The following AP2A2 variants were observed in gnomAD, a reference collection of about 807,000 sequenced individuals.
The protein encoded by AP2A2 is AP-2 complex subunit alpha-2.
Under a neutral mutation model 104.2 loss-of-function variants are expected in AP2A2, and 32 were observed. The ratio of observed to expected loss-of-function variants is 0.31; its 90% CI spans 0.23 to 0.41. AP2A2 has a LOEUF of 0.41. Among genes scored for constraint, AP2A2 ranks in the 10% least tolerant of loss-of-function variants. AP2A2 has a pLI of 1.00. For missense variants in AP2A2, 912 were observed against 1,261.0 expected (o/e 0.72, Z 4.19); for synonymous variants, 539 against 533.3 (o/e 1.01, Z -0.15).
chr11:1,007,558 G>A (rs888139726), intron 17 of AP2A2: 1 of 204,482 alleles, frequency 4.9e-6, no homozygotes, highest in African/African-American at 2.4e-5. Flanking sequence ...TTCAGGAGAG[G>A]CTGTAGGCAA....
chr11:991,598 C>T (rs984139850), intron 10 of AP2A2, among the ~76,000 whole-genome samples: 4 of 151,560 alleles, frequency 2.6e-5, no homozygotes, highest in Non-Finnish European at 4.4e-5. Flanking sequence ...GGTGCACAGC[C>T]GTGAGCTGCG....
Position 1,011,408 on chromosome 11 carries a change from G to T in AP2A2, c.*783G>T. ...AGGTGTGCTCGTCTCTTTCCTGTCAGAGTGGGCGTCCCCAGGCCACGGTGC... is the reference window on the plus strand; with the variant it reads ...AGGTGTGCTCGTCTCTTTCCTGTCATAGTGGGCGTCCCCAGGCCACGGTGC... On this transcript the variant is annotated 3_prime_UTR_variant, in exon 22 of 22. Transcript: ENST00000448903. The T allele has an allele frequency of 2.0e-6, 1 of 511,782 alleles. No individual in the cohort carries two copies. The highest frequency in any genetic ancestry group is 5.5e-5 in the East Asian group (1 of 18,092). 31.7% of individuals were successfully genotyped at this position (511,782 alleles called of 1,614,324 possible). A position where few individuals can be genotyped will look rare whatever the true frequency, so the allele number is the denominator to read the frequency against.
chr11:934,846 C>T (rs945284767), intron 1 of AP2A2, among the ~76,000 whole-genome samples: 2 of 151,612 alleles, frequency 1.3e-5, no homozygotes, highest in African/African-American at 2.4e-5. Flanking sequence ...ATAGCAAGTA[C>T]GTGTTTCTTT....
Position 993,371 on chromosome 11 carries a change from C to G in AP2A2, c.1540C>G (p.Pro514Ala). 3 of 1,610,594 alleles carry G rather than the reference C, an allele frequency of 1.9e-6. No homozygotes were observed. The highest frequency in any genetic ancestry group is 4.5e-5 in the East Asian group (2 of 44,576). The stretch of plus-strand genomic sequence containing the variant: ...GTTTGGAAACTTGATAGCTGGAGAC[C>G]CGAGATCCAGGTGAGAGGCCCTTTG... ...GEFGNLIAGD[P>A]RSSPLIQFHL... is the part of the protein sequence containing the mutation. The change falls in exon 12 of 22, where the codon CCG becomes GCG. Residue 514 changes from proline (P) to alanine (A), a missense_variant. Pro to Ala is a conservative substitution (Grantham distance 27). This residue lies in a region of AP2A2 where 137 missense variants were observed against 186.9 expected (regional missense o/e 0.73). Transcript: ENST00000448903. This position sits in a 1 kb window ranked among gnomAD's most constrained non-coding sequence, Gnocchi z 8.2.
chr11:935,603 GTTTTTTT>G (rs757190222), intron 1 of AP2A2, among the ~76,000 whole-genome samples: 3 of 77,988 alleles, frequency 3.8e-5, no homozygotes, highest in African/African-American at 1.4e-4. Context: ...TGCCCGGCCA[GTTTTTTT>G]TTTTTTTTTT....
intron 16 of AP2A2, among the ~76,000 whole-genome samples, chr11:1,006,313 C>T (rs940228518): frequency 1.3e-5 from 2 of 152,194 alleles, no homozygotes; most frequent in African/African-American, 4.8e-5. Context: ...CGGAAGTTAC[C>T]TCTGACTGGA....
chr11:956,155 C>T (rs1854225933), intron 1 of AP2A2, among the ~76,000 whole-genome samples: 1 of 152,126 alleles, frequency 6.6e-6, no homozygotes. Context: ...GCCCAAATAC[C>T]GTAGTGAGAA....
chr11:1,004,868 G>C, intron 16 of AP2A2, among the ~76,000 whole-genome samples: 1 of 152,066 alleles, frequency 6.6e-6, no homozygotes. Flanking sequence ...GCGTGGTGAC[G>C]TTGGAGCCTT....
At chr11:1,004,188 A>C (rs1053469665) in intron 16 of AP2A2, among the ~76,000 whole-genome samples, 2 of 152,192 alleles carry the variant, frequency 1.3e-5, no homozygotes. Flanking sequence ...GAAAACAAAC[A>C]AGCAGCCTGT....
chr11:943,262 C>T (rs1165743329), intron 1 of AP2A2: 1 of 152,158 alleles, frequency 6.6e-6, no homozygotes, highest in Non-Finnish European at 1.5e-5. Flanking sequence ...TCAGGGCTCA[C>T]AACTCTAAGA....
At chr11:956,604 G>C (rs1239836883) in intron 1 of AP2A2, among the ~76,000 whole-genome samples, 1 of 152,180 alleles carries the variant, frequency 6.6e-6, no homozygotes, top group Admixed American at 6.5e-5. Flanking sequence ...TTAAGCCTCA[G>C]TTTTCACAGC....
At chr11:974,809 A>G (rs1854964168) in intron 4 of AP2A2, among the ~76,000 whole-genome samples, 1 of 150,774 alleles carries the variant, frequency 6.6e-6, no homozygotes, top group Admixed American at 6.6e-5. Flanking sequence ...ACATGGTGAA[A>G]CCCCGTCTCT....
At chr11:973,755 C>T (rs1307286205) in intron 4 of AP2A2, among the ~76,000 whole-genome samples, 2 of 152,206 alleles carry the variant, frequency 1.3e-5, no homozygotes, top group Non-Finnish European at 2.9e-5. Context: ...AGGGCCACGG[C>T]CTCCTGGCCC....
intron 3 of AP2A2, among the ~76,000 whole-genome samples, chr11:971,815 C>T (rs567425538): frequency 2.6e-5 from 4 of 152,308 alleles, no homozygotes; most frequent in South Asian, 2.1e-4. Flanking sequence ...GCTCGTGGCA[C>T]GCTAGTCAGG....
intron 1 of AP2A2, among the ~76,000 whole-genome samples, chr11:926,769 G>A (rs1853134501): frequency 6.6e-6 from 1 of 152,186 alleles, no homozygotes; most frequent in Non-Finnish European, 1.5e-5. Flanking sequence ...GGATGGCCTC[G>A]CTGCCTGCTG....
rs1240362083 is a variant in AP2A2 at position 968,335 on chromosome 11, C to A, written c.137-1834C>A. Among the ~76,000 whole-genome samples the A allele has an allele frequency of 6.6e-6, 1 of 152,100 alleles. No individual in the cohort carries two copies. Among genetic ancestry groups the A allele is most frequent in the African/African-American group, 2.4e-5 (1 of 41,406 alleles). Reference sequence around the variant, plus strand: ...AAAGGTGGGCCTAAGTTTCCCAGCACCCGGGAGCTCTAGAGCAGCTCTTCG... The same window carrying A: ...AAAGGTGGGCCTAAGTTTCCCAGCAACCGGGAGCTCTAGAGCAGCTCTTCG... On this transcript the variant is annotated intron_variant, in intron 2 of 21. Transcript: ENST00000448903. The surrounding 1 kb of genome is among the most constrained non-coding windows in gnomAD (Gnocchi z 4.2).
At chr11:935,427 C>CA (rs1188408294) in intron 1 of AP2A2, among the ~76,000 whole-genome samples, 1 of 151,824 alleles carries the variant, frequency 6.6e-6, no homozygotes, top group Middle Eastern at 3.2e-3. Context: ...CTCGGCCTCT[C>CA]AAAGTGCTGG....
In AP2A2 at chr11:985,482, A is replaced by G. The variant is rs1364913203; in HGVS notation, c.862A>G (p.Asn288Asp). 1 of 1,613,834 alleles carries G rather than the reference A, an allele frequency of 6.2e-7. No homozygotes were observed. The highest frequency in any genetic ancestry group is 1.3e-5 in the African/African-American group (1 of 74,930). ...RLTECLETIL[N>D]KAQEPPKSKK... ...GACTGAGTGCCTGGAGACCATCCTG[A>G]ACAAAGCCCAAGAACCGCCCAAGTC... is the stretch of plus-strand genomic sequence containing the variant. The change falls in exon 8 of 22, where the codon AAC (asparagine) becomes GAC (aspartate). Residue 288 changes from asparagine to aspartate, a missense_variant. This residue lies in a region of AP2A2 where 350 missense variants were observed against 487.0 expected (regional missense o/e 0.72). Transcript: ENST00000448903.
chr11:993,857 C>T lies in AP2A2; in HGVS notation c.1654C>T (p.Pro552Ser). The change falls in exon 13 of 22, where the codon CCG (proline) becomes TCG (serine). Residue 552 changes from proline (P) to serine (S), a missense_variant. Around this residue, in one of 7 missense-constraint regions of AP2A2, gnomAD observed 137 missense variants for 186.9 expected, o/e 0.73. Transcript: ENST00000448903. This position sits in a 1 kb window ranked among gnomAD's most constrained non-coding sequence, Gnocchi z 8.2. ...CTACATCAAGTTCGTGAACCTCTTC[C>T]CGGAGGTGAAGCCCACCATCCAGGA... ...STYIKFVNLF[P>S]EVKPTIQDVL... 6.2e-7 allele frequency: 1 copy of T among 1,609,710 alleles called. No individual in the cohort carries two copies. Among genetic ancestry groups the T allele is most frequent in the Non-Finnish European group, 8.5e-7 (1 of 1,179,704 alleles).
Sources: gnomAD v4.1 joint callset for allele counts (sites outside exome capture counted in the v4.1 genomes callset) on GRCh38, gnomAD v4.1.1 for gene constraint, gnomAD v4.1.1 regional missense constraint, Gnocchi (gnomAD v3.1) non-coding constraint, MANE v1.5 for transcripts, NCBI Gene and HGNC (gene_info 2026-07-23, HGNC 2026-07-21) for gene names.